RAB3GAP2: variants seen among roughly 807,000 people sequenced by gnomAD.
RAB3GAP2 encodes the protein RAB3 GTPase activating non-catalytic protein subunit 2.
A neutral mutation model predicts 185.3 loss-of-function variants in RAB3GAP2; 87 were observed. The observed-to-expected ratio is 0.47, with a 90% CI of 0.39 to 0.56. RAB3GAP2 has a LOEUF of 0.56. Ranked by LOEUF, RAB3GAP2 falls within the 20% of genes least tolerant of loss-of-function variation. The probability of loss-of-function intolerance (pLI) is 0.00; values close to 1 mark genes in which losing one functional copy is unlikely to be tolerated. For missense variants in RAB3GAP2, 1,492 were observed against 1,638.2 expected, an observed-to-expected ratio of 0.91 and a Z score of 1.54; for synonymous variants, 554 against 576.1, an observed-to-expected ratio of 0.96 and a Z score of 0.55.
chr1:220,257,699 T>A (rs190115937), intron 1 of RAB3GAP2, among the ~76,000 whole-genome samples: 1 of 151,936 alleles, frequency 6.6e-6, no homozygotes, highest in East Asian at 1.9e-4. Flanking sequence ...ACCCCAAAGC[T>A]TGCAGAAGAC....
chr1:220,255,392 C>G (rs978051889), intron 1 of RAB3GAP2, among the ~76,000 whole-genome samples: 2 of 152,144 alleles, frequency 1.3e-5, no homozygotes, highest in Non-Finnish European at 2.9e-5. Context: ...GACTGCAACA[C>G]CCCTCCAGCA....
rs772202969 is a variant in RAB3GAP2 at position 220,151,243 on chromosome 1, GGTAA to G, written c.*4_*7del. 1.2e-5 allele frequency: 20 copies of G among 1,611,816 alleles called. No individual in the cohort carries two copies. Among genetic ancestry groups the G allele is most frequent in the Non-Finnish European group, 1.7e-5 (20 of 1,178,326 alleles). On this transcript the variant is annotated 3_prime_UTR_variant, in exon 35 of 35. Transcript: ENST00000358951. ...TCATAATTTTAGACTATTTCCAGTA[GGTAA>G]GTGTCATAAAGAAGGAAGAGATATG...
At chr1:220,210,698 AT>A in intron 6 of RAB3GAP2, 102 bp downstream of exon 6, 1 of 1,275,078 alleles carries the variant, frequency 7.8e-7, no homozygotes. Flanking sequence ...TCAACTACAC[AT>A]TTTCAGGCAG....
intron 7 of RAB3GAP2, 52 bp from the exon 8 acceptor site, chr1:220,206,058 T>A: frequency 1.8e-6 from 2 of 1,132,420 alleles, no homozygotes; most frequent in Non-Finnish European, 2.6e-6. Flanking sequence ...TAAGCTTATC[T>A]ACTTTTTATT....
At chr1:220,224,423 T>A (rs1006615873) in intron 2 of RAB3GAP2, among the ~76,000 whole-genome samples, 1 of 152,086 alleles carries the variant, frequency 6.6e-6, no homozygotes, top group Non-Finnish European at 1.5e-5. Context: ...AGAAGCGTGA[T>A]TAAATAAATC....
At chr1:220,264,157 T>G (rs1660188766) in intron 1 of RAB3GAP2, among the ~76,000 whole-genome samples, 1 of 152,010 alleles carries the variant, frequency 6.6e-6, no homozygotes, top group African/African-American at 2.4e-5. Flanking sequence ...TTTTTATTAT[T>G]ATCAGTACAA....
chr1:220,168,323 C>T (rs1378893392), intron 24 of RAB3GAP2, among the ~76,000 whole-genome samples: 6 of 151,772 alleles, frequency 4.0e-5, no homozygotes, highest in Non-Finnish European at 8.8e-5. Flanking sequence ...AACTCCTGAC[C>T]TCAGGTGATC....
At chr1:220,184,939 T>C (rs1335450285) in intron 18 of RAB3GAP2, among the ~76,000 whole-genome samples, 1 of 152,072 alleles carries the variant, frequency 6.6e-6, no homozygotes. Flanking sequence ...AATTAGCATG[T>C]TTGAAGTCCT....
intron 1 of RAB3GAP2, among the ~76,000 whole-genome samples, chr1:220,237,134 G>T (rs796886513): frequency 1.8e-4 from 27 of 152,194 alleles, no homozygotes; most frequent in African/African-American, 6.5e-4. Context: ...TTAACAAAAG[G>T]TATCATGGAA....
intron 1 of RAB3GAP2, chr1:220,254,071 C>A: frequency 6.2e-7 from 1 of 1,613,874 alleles, no homozygotes. Flanking sequence ...AAAACCGTGG[C>A]TTGTTGATGA....
intron 1 of RAB3GAP2, chr1:220,254,089 T>G: frequency 6.2e-7 from 1 of 1,613,930 alleles, no homozygotes; most frequent in Non-Finnish European, 8.5e-7. Flanking sequence ...TGACTGGGAC[T>G]TAATTACCAG....
chr1:220,167,768 G>C, intron 24 of RAB3GAP2, 93 bp from the exon 25 acceptor site: 1 of 1,298,120 alleles, frequency 7.7e-7, no homozygotes, highest in Non-Finnish European at 1.1e-6. Context: ...AGAGATCTAA[G>C]TGCCACATTC....
Position 220,189,684 on chromosome 1 carries a change from GTGTATTA to G in RAB3GAP2, c.1779+12_1779+18del. 6.5e-7 allele frequency: 1 copy of G among 1,548,892 alleles called. No homozygotes were observed. The highest frequency in any genetic ancestry group is 2.3e-5 in the East Asian group (1 of 43,756). On this transcript the variant is annotated intron_variant, in intron 17 of 34. Transcript: ENST00000358951. ...ATTATAGCTACTAGCAGGAAAGTTC[GTGTATTA>G]TATACACTTACTTGTTTTTTGGTTG...
intron 1 of RAB3GAP2, among the ~76,000 whole-genome samples, chr1:220,264,378 CA>C (rs753348666): frequency 1.3e-5 from 2 of 152,052 alleles, no homozygotes; most frequent in East Asian, 3.9e-4. Flanking sequence ...GAATTTACAA[CA>C]CTTTGATTAA....
In RAB3GAP2 at chr1:220,151,759, A is replaced by G. The variant is rs1657761695; in HGVS notation, c.3873T>C (p.Ile1291=). 1.2e-6 allele frequency: 2 copies of G among 1,606,736 alleles called. No individual in the cohort carries two copies. The highest frequency in any genetic ancestry group is 1.7e-6 in the Non-Finnish European group (2 of 1,173,286). The part of the protein sequence containing the change: ...YGVDHLGEEA[I]LQVHDKEVLA... ...GGACCTCTTTGTCATGAACCTGTAGAATGGCCTGAAGATAGGAACATGGAG... is the reference window on the plus strand; with the variant it reads ...GGACCTCTTTGTCATGAACCTGTAGGATGGCCTGAAGATAGGAACATGGAG... Residue 1291 remains isoleucine, a synonymous_variant, in exon 34 of 35, where the codon ATT becomes ATC. Coordinates refer to ENST00000358951, the MANE Select transcript of RAB3GAP2 (RefSeq NM_012414.4).
chr1:220,172,618 A>G lies in RAB3GAP2; in HGVS notation c.2416+19T>C. The G allele has an allele frequency of 6.6e-7, 1 of 1,524,822 alleles. No homozygotes were observed. Among genetic ancestry groups the G allele is most frequent in the South Asian group, 1.1e-5 (1 of 89,310 alleles). The allele number at this position is 1,524,822 out of a possible 1,614,324, so 94.5% of individuals were successfully genotyped here. ...TCAAACACGAAACTTTGTTGACGAG[A>G]GCAACAAACTTTGTTTACCTTTCAT... On this transcript the variant is annotated intron_variant, in intron 22 of 34. Transcript: ENST00000358951.
chr1:220,246,827 G>A (rs866155794), intron 1 of RAB3GAP2, among the ~76,000 whole-genome samples: 23 of 147,394 alleles, frequency 1.6e-4, no homozygotes, highest in African/African-American at 3.3e-4. Flanking sequence ...GCTAGATGAC[G>A]AGTTAGTGGG....
At chr1:220,163,939 A>G (rs1338976412) in intron 27 of RAB3GAP2, among the ~76,000 whole-genome samples, 1 of 151,976 alleles carries the variant, frequency 6.6e-6, no homozygotes, top group East Asian at 1.9e-4. Flanking sequence ...ACATAAGGTG[A>G]TATCTCCTCT....
chr1:220,163,744 C>CATATATATATATAT (rs373160821), intron 27 of RAB3GAP2, among the ~76,000 whole-genome samples: 61 of 122,974 alleles, frequency 5.0e-4, no homozygotes, highest in African/African-American at 1.4e-3. Flanking sequence ...TAAATACATA[C>CATATATATATATAT]ATATATATAT....
Sources: gnomAD v4.1 joint callset for allele counts (sites outside exome capture counted in the v4.1 genomes callset) on GRCh38, gnomAD v4.1.1 for gene constraint, MANE v1.5 for transcripts, NCBI Gene and HGNC (gene_info 2026-07-23, HGNC 2026-07-21) for gene names.